Variants in FBXL5 observed in about 807,000 individuals in gnomAD.
FBXL5 encodes the protein F-box and leucine rich repeat protein 5, also known as F-box/LRR-repeat protein 5.
In FBXL5, 26 loss-of-function variants were observed where a neutral mutation model predicts 78.3. The observed-to-expected ratio is 0.33, with a 90% CI of 0.24 to 0.46. The LOEUF is 0.46. FBXL5 is among the 20% of genes least tolerant of loss of function. The pLI is 1.00. For missense variants in FBXL5, 710 were observed against 829.2 expected, an observed-to-expected ratio of 0.86 and a Z score of 1.77; for synonymous variants, 295 against 282.5, an observed-to-expected ratio of 1.04 and a Z score of -0.45.
At chr4:15,645,650 A>G (rs1467707025) in intron 1 of FBXL5, among the ~76,000 whole-genome samples, 2 of 151,644 alleles carry the variant, frequency 1.3e-5, no homozygotes, top group Admixed American at 6.6e-5. Context: ...GCTGGTCTTG[A>G]ACTCCTGACC....
At chr4:15,630,907 G>C in intron 5 of FBXL5, 116 bp from the exon 6 acceptor site, 2 of 1,316,172 alleles carry the variant, frequency 1.5e-6, no homozygotes, top group Non-Finnish European at 1.0e-6. Context: ...CTGAGCCCTA[G>C]GCAATAAGCA....
chr4:15,621,634 G>T (rs1348027642), intron 9 of FBXL5, among the ~76,000 whole-genome samples: 1 of 152,196 alleles, frequency 6.6e-6, no homozygotes, highest in African/African-American at 2.4e-5. Context: ...AAAAGGACAA[G>T]TATTGTATGA....
rs528645862 is a variant in FBXL5, at chr4:15,622,506, C to T, written c.1850+2746G>A. Among the ~76,000 whole-genome samples, 21 of 152,288 alleles carry T rather than the reference C, an allele frequency of 1.4e-4. No homozygotes were observed. The South Asian group carries it at 3.5e-3, about 26-fold the overall frequency. ...TGATGCCTGTTTCTTTTCAAAGAAG[C>T]CTTTCCTGGTTCATTCAATATGAAG... On this transcript the variant is annotated intron_variant, in intron 9 of 10. Transcript: ENST00000341285.
At chr4:15,605,936 G>A (rs1721855626) in intron 10 of FBXL5, 137 bp from the exon 11 acceptor site, 1 of 631,210 alleles carries the variant, frequency 1.6e-6, no homozygotes, top group Non-Finnish European at 2.9e-6. Flanking sequence ...CATGATAAGT[G>A]TATAAGAAAT....
chr4:15,629,226 G>A (rs35013326), intron 6 of FBXL5, among the ~76,000 whole-genome samples: 36,762 of 151,958 alleles, frequency 0.24, 4,689 homozygotes, highest in African/African-American at 0.28. Flanking sequence ...TCAATATGAA[G>A]GAAATTGAGT....
At chr4:15,658,030 C>T (rs1441364356), upstream of FBXL5, among the ~76,000 whole-genome samples, 2 of 152,218 alleles carry the variant, frequency 1.3e-5, no homozygotes. Flanking sequence ...TACCTACTCT[C>T]ATTCTCTCTC....
chr4:15,668,802 T>G (rs1376790189), intron 1 of FBXL5, among the ~76,000 whole-genome samples: 1 of 152,254 alleles, frequency 6.6e-6, no homozygotes, highest in Non-Finnish European at 1.5e-5. Flanking sequence ...CATTAAAGCA[T>G]ATTGTGAGAC....
intron 3 of FBXL5, among the ~76,000 whole-genome samples, chr4:15,639,066 A>AC (rs1714567347): frequency 6.6e-6 from 1 of 152,196 alleles, no homozygotes; most frequent in Non-Finnish European, 1.5e-5. Context: ...CGAGAGACTG[A>AC]GGCAGGAGAA....
chr4:15,621,127 C>T (rs1712433889), intron 9 of FBXL5, among the ~76,000 whole-genome samples: 1 of 152,152 alleles, frequency 6.6e-6, no homozygotes, highest in Non-Finnish European at 1.5e-5. Flanking sequence ...GTCTCCCCGA[C>T]CGAGCTGGTC....
chr4:15,627,324 G>A (rs1713172648), intron 7 of FBXL5, among the ~76,000 whole-genome samples: 2 of 151,882 alleles, frequency 1.3e-5, no homozygotes, highest in Admixed American at 1.3e-4. Context: ...TAGTAGAGAT[G>A]GGGTTTCACC....
intron 1 of FBXL5, among the ~76,000 whole-genome samples, chr4:15,675,325 G>A (rs192520912): frequency 6.6e-6 from 1 of 152,108 alleles, no homozygotes; most frequent in Non-Finnish European, 1.5e-5. Context: ...ATATAAAAAT[G>A]AGGTGAATAA....
At chr4:15,674,949 G>A (rs930356620) in intron 1 of FBXL5, among the ~76,000 whole-genome samples, 3 of 151,972 alleles carry the variant, frequency 2.0e-5, no homozygotes, top group South Asian at 2.1e-4. Context: ...GCACCCAGTC[G>A]GTTATGGTTT....
chr4:15,625,291 C>A lies in FBXL5; in HGVS notation c.1811G>T (p.Ser604Ile). 6.2e-7 allele frequency: 1 copy of A among 1,613,706 alleles called. No homozygotes were observed. The highest frequency in any genetic ancestry group is 8.5e-7 in the Non-Finnish European group (1 of 1,179,758). ...TGTGATCTGATAACATCCAGATAAA[C>A]TGAGAAACAGAAGTACACGTCCAGT... ...QETGRVLLFL[S>I]LSGCYQITDH... Residue 604 changes from serine to isoleucine, a missense_variant, in exon 9 of 11, where the codon AGT becomes ATT. Transcript: ENST00000341285.
upstream of FBXL5, chr4:15,659,623 A>T: frequency 2.7e-6 from 1 of 372,466 alleles, no homozygotes; most frequent in Non-Finnish European, 3.7e-6. Context: ...CTTTCATTTT[A>T]AATCTGGAGA....
intron 6 of FBXL5, among the ~76,000 whole-genome samples, chr4:15,628,682 T>G (rs1713309668): frequency 1.3e-5 from 2 of 152,046 alleles, no homozygotes; most frequent in South Asian, 4.1e-4. Flanking sequence ...AAACTAAGTA[T>G]AGCAGACAAA....
chr4:15,637,624 T>A (rs998213483), intron 4 of FBXL5, among the ~76,000 whole-genome samples: 2 of 152,226 alleles, frequency 1.3e-5, no homozygotes, highest in African/African-American at 4.8e-5. Flanking sequence ...AATCCCATGT[T>A]ATAATTACAA....
intron 1 of FBXL5, among the ~76,000 whole-genome samples, chr4:15,668,975 C>T (rs1717654124): frequency 6.6e-6 from 1 of 152,312 alleles, no homozygotes; most frequent in South Asian, 2.1e-4. Flanking sequence ...TAAGTCTGTA[C>T]AGACTTCATA....
At chr4:15,669,472 A>T (rs1273330013) in intron 1 of FBXL5, among the ~76,000 whole-genome samples, 1 of 152,208 alleles carries the variant, frequency 6.6e-6, no homozygotes, top group African/African-American at 2.4e-5. Flanking sequence ...TTGCTAGATA[A>T]TATAATTTTT....
chr4:15,628,809 A>G (rs562116431), intron 6 of FBXL5, among the ~76,000 whole-genome samples: 21 of 151,948 alleles, frequency 1.4e-4, no homozygotes, highest in Non-Finnish European at 2.5e-4. Flanking sequence ...ACACACGAAG[A>G]TAAAATATAA....
Sources: gnomAD v4.1 joint callset for allele counts (sites outside exome capture counted in the v4.1 genomes callset) on GRCh38, gnomAD v4.1.1 for gene constraint, MANE v1.5 for transcripts, NCBI Gene and HGNC (gene_info 2026-07-23, HGNC 2026-07-21) for gene names.